Variants in PCDHGA8 observed in about 807,000 individuals in gnomAD.
The protein encoded by PCDHGA8 is protocadherin gamma subfamily A, 8.
In PCDHGA8, 45 loss-of-function variants were observed where a neutral mutation model predicts 59.2. The ratio of observed to expected loss-of-function variants is 0.76; its 90% CI spans 0.60 to 0.98. PCDHGA8 has a LOEUF of 0.98. Ranked by LOEUF, PCDHGA8 falls within the 50% of genes least tolerant of loss-of-function variation. PCDHGA8 has a pLI of 0.00. For synonymous variants in PCDHGA8, 531 were observed against 519.0 expected (o/e 1.02, Z -0.32); for missense variants, 1,257 against 1,196.2 (o/e 1.05, Z -0.75).
intron 1 of PCDHGA8, chr5:141,424,728 G>A (rs907091181): frequency 1.3e-5 from 2 of 152,102 alleles, no homozygotes; most frequent in African/African-American, 2.4e-5. Flanking sequence ...GGGAGTCATA[G>A]ATTCCTTCTT....
intron 1 of PCDHGA8, among the ~76,000 whole-genome samples, chr5:141,494,070 C>T (rs933213518): frequency 3.9e-5 from 6 of 152,174 alleles, no homozygotes; most frequent in African/African-American, 1.4e-4. Context: ...AGCTGGATCC[C>T]TCCCCGCTGC....
At chr5:141,505,804 G>A (rs554534524) in intron 3 of PCDHGA8, among the ~76,000 whole-genome samples, 13 of 152,240 alleles carry the variant, frequency 8.5e-5, no homozygotes, top group Admixed American at 3.3e-4. Context: ...GACTTGGATC[G>A]ACTTGCTCAA....
At chr5:141,426,116 G>A (rs1324245739) in intron 1 of PCDHGA8, among the ~76,000 whole-genome samples, 3 of 152,232 alleles carry the variant, frequency 2.0e-5, no homozygotes, top group African/African-American at 7.2e-5. Context: ...AAGCAAGTCG[G>A]AGAGTGGCCA....
rs1310404999 is a variant in PCDHGA8 at position 141,394,693 on chromosome 5, G to T, written c.1880G>T (p.Arg627Leu). The change falls in exon 1 of 4, where the codon CGC becomes CTC. Residue 627 changes from arginine (R) to leucine (L), a missense_variant. Transcript: ENST00000398604. ...GTGGGTCTGCACACGGGCGAGGTGC[G>T]CACGGCGCGAGCCCTGCTGGACAGA... ...FSVGLHTGEV[R>L]TARALLDRDA... 1.2e-6 allele frequency: 2 copies of T among 1,612,890 alleles called. No individual in the cohort carries two copies. Among genetic ancestry groups the T allele is most frequent in the African/African-American group, 1.3e-5 (1 of 74,910 alleles).
rs11575965 is a variant in PCDHGA8 at position 141,430,679 on chromosome 5, T to C, written c.2424+35442T>C. 6,478 of 1,333,262 alleles carry C rather than the reference T, an allele frequency of 4.9e-3. 34 individuals carry two copies. Among genetic ancestry groups the C allele is most frequent in the Admixed American group, 9.3e-3 (354 of 37,978 alleles). 82.6% of individuals were successfully genotyped at this position (1,333,262 alleles called of 1,614,324 possible). ...CGGAGGAGCTCTGACTTCCCAACTG[T>C]CCCATTCTATGGGCGAAGGAACTGC... On this transcript the variant is annotated intron_variant, in intron 1 of 3. Coordinates refer to ENST00000398604, the MANE Select transcript of PCDHGA8 (RefSeq NM_032088.2).
In PCDHGA8 at chr5:141,476,352, T is replaced by C. The variant is rs2099389565; in HGVS notation, c.2425-18455T>C. The C allele has an allele frequency of 1.2e-6, 2 of 1,613,826 alleles. No individual in the cohort carries two copies. Among genetic ancestry groups the C allele is most frequent in the African/African-American group, 1.3e-5 (1 of 74,852 alleles). On this transcript the variant is annotated intron_variant, in intron 1 of 3. Transcript: ENST00000398604. The surrounding 1 kb of genome is among the most constrained non-coding windows in gnomAD (Gnocchi z 7.6). ...GGAGCTAGCCGAAGATTCTTTGAGG[T>C]GAACCGGGAGACCGGAGAGATGTTT...
At chr5:141,434,920 A>G (rs927245955) in intron 1 of PCDHGA8, among the ~76,000 whole-genome samples, 3 of 151,796 alleles carry the variant, frequency 2.0e-5, no homozygotes, top group East Asian at 1.9e-4. Flanking sequence ...ATTTATGTAC[A>G]TATATTTTAT....
chr5:141,478,642 T>A (rs777741719), intron 1 of PCDHGA8: 1 of 1,552,350 alleles, frequency 6.4e-7, no homozygotes, highest in South Asian at 1.2e-5. Context: ...GTGATGAAGA[T>A]GTTTTCCTGG....
At position 141,489,220 on chromosome 5, in the gene PCDHGA8, C is replaced by T; in HGVS notation, c.2425-5587C>T. ...AGACAGGACAGCACAGACTTACTCT[C>T]CACAAAGGGACTTCTGGGTCATGGG... On this transcript the variant is annotated intron_variant, in intron 1 of 3. Transcript: ENST00000398604. This position sits in a 1 kb window ranked among gnomAD's most constrained non-coding sequence, Gnocchi z 4.5. The T allele has an allele frequency of 6.6e-7, 1 of 1,508,698 alleles. No homozygotes were observed. The highest frequency in any genetic ancestry group is 8.9e-7 in the Non-Finnish European group (1 of 1,122,110). The allele number at this position is 1,508,698 out of a possible 1,614,324, so 93.5% of individuals were successfully genotyped here.
intron 1 of PCDHGA8, chr5:141,404,186 C>T (rs767632448): frequency 3.1e-6 from 5 of 1,613,084 alleles, no homozygotes; most frequent in Non-Finnish European, 4.2e-6. Flanking sequence ...AATTCTTGAC[C>T]GAGAAAAAGC....
In PCDHGA8 at chr5:141,394,427, G is replaced by A. The variant is rs748527281; in HGVS notation, c.1614G>A (p.Gly538=). ...TACTGGTAACAGCCAGCGACAGCGG[G>A]GACCCGCCCCTCAGCAGCAACATGT... ...LQLLVTASDS[G]DPPLSSNMSL... Residue 538 remains glycine (G), a synonymous_variant, in exon 1 of 4, where the codon GGG becomes GGA. Coordinates refer to ENST00000398604, the MANE Select transcript of PCDHGA8 (RefSeq NM_032088.2). 1.4e-5 allele frequency: 23 copies of A among 1,614,228 alleles called. No individual in the cohort carries two copies. Among genetic ancestry groups the A allele is most frequent in the Non-Finnish European group, 1.6e-5 (19 of 1,180,046 alleles).
rs1424221139 is a variant in PCDHGA8, at chr5:141,491,867, T to G, written c.2425-2940T>G. On this transcript the variant is annotated intron_variant, in intron 1 of 3. Coordinates refer to ENST00000398604, the MANE Select transcript of PCDHGA8 (RefSeq NM_032088.2). The surrounding 1 kb of genome is among the most constrained non-coding windows in gnomAD (Gnocchi z 6.9). ...TTGGACCGTTTGCGCGAAACCAGAG[T>G]GGCCGATTAAGGGATGGGGCTCCGA... 2 of 1,452,218 alleles carry G rather than the reference T, an allele frequency of 1.4e-6. No homozygotes were observed. The highest frequency in any genetic ancestry group is 1.8e-6 in the Non-Finnish European group (2 of 1,099,056). 90.0% of individuals were successfully genotyped at this position (1,452,218 alleles called of 1,614,324 possible).
intron 1 of PCDHGA8, among the ~76,000 whole-genome samples, chr5:141,457,274 C>T (rs1307741345): frequency 1.3e-5 from 2 of 152,200 alleles, no homozygotes; most frequent in Non-Finnish European, 2.9e-5. Context: ...CCTCTGTGGG[C>T]CTACGAAGTT....
chr5:141,484,869 G>C (rs2154580238), intron 1 of PCDHGA8: 1 of 292,558 alleles, frequency 3.4e-6, no homozygotes, highest in African/African-American at 2.2e-5. Flanking sequence ...GGGGGAGCGT[G>C]GAGGATAGGG....
chr5:141,413,804 C>A, intron 1 of PCDHGA8: 7 of 1,613,194 alleles, frequency 4.3e-6, no homozygotes, highest in Non-Finnish European at 5.9e-6. Context: ...GAGGAAGAGG[C>A]CATTCACCAC....
At position 141,487,728 on chromosome 5, in the gene PCDHGA8, C is replaced by T. The variant is rs986276637; in HGVS notation, c.2425-7079C>T. 2 of 1,570,444 alleles carry T rather than the reference C, an allele frequency of 1.3e-6. No homozygotes were observed. Among genetic ancestry groups the T allele is most frequent in the East Asian group, 2.3e-5 (1 of 42,866 alleles). ...TCAGTAAGTGCCCATAGTGATGTCA[C>T]CATTTTTGTAAGAGGTAACTATGTG... On this transcript the variant is annotated intron_variant, in intron 1 of 3. Coordinates refer to ENST00000398604, the MANE Select transcript of PCDHGA8 (RefSeq NM_032088.2). The surrounding 1 kb of genome is among the most constrained non-coding windows in gnomAD (Gnocchi z 5.0).
chr5:141,431,660 A>G lies in PCDHGA8; in HGVS notation c.2424+36423A>G. On this transcript the variant is annotated intron_variant, in intron 1 of 3. Transcript: ENST00000398604. This position sits in a 1 kb window ranked among gnomAD's most constrained non-coding sequence, Gnocchi z 4.8. ...CAAACTAGATTGTAATTCAGGGACA[A>G]TATCAACAATAGGGGAGTTGGACCA... 7 of 1,614,256 alleles carry G rather than the reference A, an allele frequency of 4.3e-6. No individual in the cohort carries two copies. The highest frequency in any genetic ancestry group is 5.1e-6 in the Non-Finnish European group (6 of 1,180,046).
intron 1 of PCDHGA8, among the ~76,000 whole-genome samples, chr5:141,460,317 A>G (rs1045494740): frequency 4.6e-5 from 7 of 152,260 alleles, no homozygotes; most frequent in African/African-American, 1.7e-4. Flanking sequence ...CTCCTTGCCT[A>G]CTGAAAACTT....
intron 1 of PCDHGA8, chr5:141,415,234 A>G: frequency 1.2e-6 from 2 of 1,614,136 alleles, no homozygotes; most frequent in Non-Finnish European, 1.7e-6. Context: ...GTCTCCAGCT[A>G]ACTCTGAAAC....
Sources: gnomAD v4.1 joint callset for allele counts (sites outside exome capture counted in the v4.1 genomes callset) on GRCh38, gnomAD v4.1.1 for gene constraint, Gnocchi (gnomAD v3.1) non-coding constraint, MANE v1.5 for transcripts, NCBI Gene and HGNC (gene_info 2026-07-23, HGNC 2026-07-21) for gene names.